PLCG2: variants seen among roughly 807,000 people sequenced by gnomAD.
PLCG2 encodes phospholipase C gamma 2, also known as 1-phosphatidylinositol 4,5-bisphosphate phosphodiesterase gamma-2.
Under a neutral mutation model 175.6 loss-of-function variants are expected in PLCG2, and 69 were observed. The observed-to-expected ratio is 0.39, with a 90% CI of 0.32 to 0.48. PLCG2 has a LOEUF of 0.48. Ranked by LOEUF, PLCG2 falls within the 20% of genes least tolerant of loss-of-function variation. PLCG2 has a pLI of 0.91. For synonymous variants in PLCG2, 827 were observed against 624.0 expected, an observed-to-expected ratio of 1.33 and a Z score of -4.85; for missense variants, 1,798 against 1,650.9, an observed-to-expected ratio of 1.09 and a Z score of -1.54.
chr16:81,836,721 C>A (rs1380396442), intron 2 of PLCG2, among the ~76,000 whole-genome samples: 12 of 152,202 alleles, frequency 7.9e-5, no homozygotes. Context: ...ACCTCAGCAA[C>A]AGAGCAACAC....
chr16:81,918,106 A>C (rs1437767390), intron 19 of PLCG2, among the ~76,000 whole-genome samples: 4 of 152,176 alleles, frequency 2.6e-5, no homozygotes, highest in African/African-American at 9.7e-5. Flanking sequence ...TTGACCCCTT[A>C]CCAGATGTTC....
upstream of PLCG2, chr16:81,779,206 C>A: frequency 6.6e-6 from 1 of 152,110 alleles, no homozygotes; most frequent in South Asian, 2.0e-4. Context: ...GCTGGGCGCG[C>A]CTGGGGCGGG....
At position 81,793,304 on chromosome 16, in the gene PLCG2, C is replaced by G. The variant is rs146970891; in HGVS notation, c.193+7122C>G. On this transcript the variant is annotated intron_variant, in intron 2 of 32. Coordinates refer to ENST00000564138, the MANE Select transcript of PLCG2 (RefSeq NM_002661.5). ...TGGGCATGTTGGTTTTCTTTCCTTT[C>G]TGAGGGACCTAGTTGAGCAGTCTTC... Among the ~76,000 whole-genome samples the G allele has an allele frequency of 3.1e-3, 469 of 152,306 alleles. 1 individual carries two copies. Among genetic ancestry groups the G allele is most frequent in the African/African-American group, 0.011 (450 of 41,564 alleles).
intron 2 of PLCG2, among the ~76,000 whole-genome samples, chr16:81,794,436 C>T (rs1006001538): frequency 1.3e-5 from 2 of 152,128 alleles, no homozygotes; most frequent in African/African-American, 2.4e-5. Context: ...TGCAATGAAG[C>T]GTCTCATCAG....
At chr16:81,752,756 T>A (rs1909838261) in intron 1 of PLCG2, among the ~76,000 whole-genome samples, 1 of 152,148 alleles carries the variant, frequency 6.6e-6, no homozygotes, top group Non-Finnish European at 1.5e-5. Flanking sequence ...GCCCTCAGGG[T>A]GCCCAGGGAA....
chr16:81,840,503 A>T (rs755465118), intron 2 of PLCG2, among the ~76,000 whole-genome samples: 2 of 152,172 alleles, frequency 1.3e-5, no homozygotes, highest in Non-Finnish European at 2.9e-5. Flanking sequence ...GGGAGACCTG[A>T]GCTTGTTTTC....
At chr16:81,907,827 C>T (rs1455574749) in intron 16 of PLCG2, 53 bp downstream of exon 16, 1 of 1,343,618 alleles carries the variant, frequency 7.4e-7, no homozygotes, top group Admixed American at 1.7e-5. Flanking sequence ...ACCCCGAGGA[C>T]CAGCCAGTCC....
intron 19 of PLCG2, among the ~76,000 whole-genome samples, chr16:81,913,923 C>A (rs754281076): frequency 6.6e-6 from 1 of 152,154 alleles, no homozygotes; most frequent in African/African-American, 2.4e-5. Context: ...TTACTGAGGA[C>A]CTACTGTGTA....
intron 1 of PLCG2, among the ~76,000 whole-genome samples, chr16:81,780,369 C>T (rs902034278): frequency 2.0e-5 from 3 of 152,152 alleles, no homozygotes; most frequent in Admixed American, 1.3e-4. Flanking sequence ...AGAATCGGGG[C>T]GCATCCATGG....
At chr16:81,941,989 T>C (rs1156674666) in intron 30 of PLCG2, among the ~76,000 whole-genome samples, 1 of 152,228 alleles carries the variant, frequency 6.6e-6, no homozygotes, top group Non-Finnish European at 1.5e-5. Flanking sequence ...TCTTTTAGAT[T>C]AGTCTAATAA....
Position 81,789,212 on chromosome 16 carries a change from A to T in PLCG2, c.193+3030A>T, listed in dbSNP as rs568321163. ...CTCATTGTGATGGGCATGAGACAGG[A>T]TTTTGGCTTGAAATCTATGCCCTGT... On this transcript the variant is annotated intron_variant, in intron 2 of 32. Transcript: ENST00000564138. Among the ~76,000 whole-genome samples, 24 of 152,348 alleles carry T rather than the reference A, an allele frequency of 1.6e-4. No individual in the cohort carries two copies. In the South Asian group the frequency reaches 4.8e-3, roughly 30 times the overall value.
chr16:81,811,002 C>T (rs9937779), intron 2 of PLCG2, among the ~76,000 whole-genome samples: 34,558 of 152,114 alleles, frequency 0.23, 4,573 homozygotes, highest in African/African-American at 0.37. Context: ...CAGTGGCCTT[C>T]CTGGCCCTAG....
intron 15 of PLCG2, among the ~76,000 whole-genome samples, chr16:81,906,569 G>A (rs986803243): frequency 2.0e-5 from 3 of 152,176 alleles, no homozygotes; most frequent in African/African-American, 7.2e-5. Context: ...GACCACAGAT[G>A]TGCACCACCA....
At chr16:81,815,387 G>A (rs901551537) in intron 2 of PLCG2, among the ~76,000 whole-genome samples, 1 of 152,190 alleles carries the variant, frequency 6.6e-6, no homozygotes, top group Non-Finnish European at 1.5e-5. Context: ...ATTCCCAGAG[G>A]TGAAGATACA....
At chr16:81,806,066 T>C (rs1912008473) in intron 2 of PLCG2, among the ~76,000 whole-genome samples, 1 of 152,116 alleles carries the variant, frequency 6.6e-6, no homozygotes, top group African/African-American at 2.4e-5. Flanking sequence ...ATGTATGCAA[T>C]ATAATTATTA....
chr16:81,756,554 C>G (rs141869350), intron 2 of PLCG2, among the ~76,000 whole-genome samples: 1 of 152,246 alleles, frequency 6.6e-6, no homozygotes, highest in East Asian at 1.9e-4. Context: ...ATGAAGGTGA[C>G]CACACCATAC....
At chr16:81,845,905 T>C (rs932343986) in intron 2 of PLCG2, among the ~76,000 whole-genome samples, 2 of 152,356 alleles carry the variant, frequency 1.3e-5, no homozygotes, top group African/African-American at 4.8e-5. Context: ...GTTCAAATGC[T>C]GGCTCTTGCA....
chr16:81,868,978 C>G (rs72837429), intron 5 of PLCG2, among the ~76,000 whole-genome samples: 22,529 of 152,290 alleles, frequency 0.15, 2,177 homozygotes, highest in East Asian at 0.47. Flanking sequence ...TGGGGCATCA[C>G]CCTACCCTGT....
chr16:81,903,716 C>A (rs1909247939), intron 14 of PLCG2, among the ~76,000 whole-genome samples: 1 of 152,138 alleles, frequency 6.6e-6, no homozygotes, highest in South Asian at 2.1e-4. Context: ...GTCTTCGGGG[C>A]AGCCTGGTTG....
Sources: gnomAD v4.1 joint callset for allele counts (sites outside exome capture counted in the v4.1 genomes callset) on GRCh38, gnomAD v4.1.1 for gene constraint, MANE v1.5 for transcripts, NCBI Gene and HGNC (gene_info 2026-07-23, HGNC 2026-07-21) for gene names.